Variants in VPS53 observed in about 807,000 individuals in gnomAD.
VPS53 encodes the protein VPS53 subunit of GARP complex, also known as vacuolar protein sorting-associated protein 53 homolog.
VPS53 carries 70 observed loss-of-function variants against 107.0 expected under a neutral mutation model. The ratio of observed to expected loss-of-function variants is 0.65; its 90% CI spans 0.54 to 0.80. VPS53 has a LOEUF of 0.80. VPS53 is among the 30% of genes least tolerant of loss of function. The probability of loss-of-function intolerance (pLI) is 0.00; values close to 1 mark genes in which losing one functional copy is unlikely to be tolerated. For synonymous variants in VPS53, 409 were observed against 393.3 expected, an observed-to-expected ratio of 1.04 and a Z score of -0.47; for missense variants, 917 against 1,049.4, an observed-to-expected ratio of 0.87 and a Z score of 1.74.
At chr17:682,820 T>C (rs1242106164) in intron 4 of VPS53, among the ~76,000 whole-genome samples, 1 of 152,212 alleles carries the variant, frequency 6.6e-6, no homozygotes, top group Non-Finnish European at 1.5e-5. Context: ...CAACAGAACC[T>C]GTCTCAAAGA....
In VPS53 at chr17:601,798, A is replaced by G. The variant is rs768510827; in HGVS notation, c.1215T>C (p.Asp405=). Residue 405 remains aspartate, a synonymous_variant, in exon 12 of 22, where the codon GAT becomes GAC. Coordinates refer to ENST00000437048, the MANE Select transcript of VPS53 (RefSeq NM_001128159.3). ...TGGTGACGCAAACCAGACTTACTTG[A>G]TCTAAATCTCCTTTCTCCGTTGCCA... ...EELATEKGDL[D]QPKKPKAPDN... 16 of 1,600,436 alleles carry G rather than the reference A, an allele frequency of 1.0e-5. No individual in the cohort carries two copies. The South Asian group carries it at 1.7e-4, about 17-fold the overall frequency.
At chr17:650,654 T>C (rs2143466366) in intron 7 of VPS53, among the ~76,000 whole-genome samples, 1 of 152,344 alleles carries the variant, frequency 6.6e-6, no homozygotes, top group South Asian at 2.1e-4. Context: ...CAGATCGTAC[T>C]ACAAGTATAT....
At position 517,823 on chromosome 17, in the gene VPS53, T is replaced by C. The variant is rs1309051246; in HGVS notation, c.*1305A>G. The C allele has an allele frequency of 1.2e-5, 2 of 164,130 alleles. No homozygotes were observed. The highest frequency in any genetic ancestry group is 3.3e-4 in the East Asian group (2 of 6,034). 10.2% of individuals were successfully genotyped at this position (164,130 alleles called of 1,614,324 possible). A position where few individuals can be genotyped will look rare whatever the true frequency, so the allele number is the denominator to read the frequency against. ...GGCATGAGCCACCACACCCAGCCAA[T>C]TTTTTGTATTTTTGGTTTTGCCAGG... On this transcript the variant is annotated 3_prime_UTR_variant, in exon 22 of 22. Coordinates refer to ENST00000437048, the MANE Select transcript of VPS53 (RefSeq NM_001128159.3).
In VPS53 at chr17:519,215, G is replaced by T. The variant is rs768263237; in HGVS notation, c.2412C>A (p.Ser804=). The change falls in exon 22 of 22, where the codon TCC becomes TCA. Residue 804 remains serine, a synonymous_variant. Coordinates refer to ENST00000437048, the MANE Select transcript of VPS53 (RefSeq NM_001128159.3). The surrounding 1 kb of genome is among the most constrained non-coding windows in gnomAD (Gnocchi z 5.0). ...TTGGCGCCGTCAGGGACAGTGAGCC[G>T]GAGCTTTCTGCCCCCGAGGGCGGTG... is the stretch of plus-strand genomic sequence containing the variant. ...LPAPPSGAES[S]GSLSLTAPTP... 1 of 1,549,632 alleles carries T rather than the reference G, an allele frequency of 6.5e-7. No homozygotes were observed. Among genetic ancestry groups the T allele is most frequent in the South Asian group, 1.2e-5 (1 of 83,820 alleles).
intron 2 of VPS53, among the ~76,000 whole-genome samples, chr17:707,418 G>T (rs1327423923): frequency 6.6e-6 from 1 of 151,780 alleles, no homozygotes; most frequent in Non-Finnish European, 1.5e-5. Flanking sequence ...TGCTCAGGAG[G>T]CTGACACAGG....
rs1251849617 is a variant in VPS53, at chr17:519,046, G to A, written c.*82C>T. 2.6e-5 allele frequency: 36 copies of A among 1,389,404 alleles called. No homozygotes were observed. The highest frequency in any genetic ancestry group is 1.9e-4 in the Middle Eastern group (1 of 5,238). 86.1% of individuals were successfully genotyped at this position (1,389,404 alleles called of 1,614,324 possible). ...TGAAGACCGACGATGTGAGAGTGCC[G>A]GGGAGCACAGGAGAGGTTGGGGGCT... is the stretch of plus-strand genomic sequence containing the variant. On this transcript the variant is annotated 3_prime_UTR_variant, in exon 22 of 22. Coordinates refer to ENST00000437048, the MANE Select transcript of VPS53 (RefSeq NM_001128159.3). The surrounding 1 kb of genome is among the most constrained non-coding windows in gnomAD (Gnocchi z 5.0).
chr17:556,494 T>G (rs539657767), intron 15 of VPS53, among the ~76,000 whole-genome samples: 6 of 152,328 alleles, frequency 3.9e-5, no homozygotes, highest in Admixed American at 3.9e-4. Flanking sequence ...TTTATGTTTT[T>G]TAAAAACTAT....
rs562221866 is a variant in VPS53, at chr17:673,281, T to C, written c.286-11386A>G. Among the ~76,000 whole-genome samples, 9 of 152,222 alleles carry C rather than the reference T, an allele frequency of 5.9e-5. No homozygotes were observed. In the South Asian group the frequency reaches 1.9e-3, roughly 32 times the overall value. ...GGTGGACACCAAGGGTCAAGTCGCC[T>C]CTCTTTAGAGAAAGTCTCTTCTTTT... On this transcript the variant is annotated intron_variant, in intron 4 of 21. Transcript: ENST00000437048.
intron 13 of VPS53, among the ~76,000 whole-genome samples, chr17:584,600 A>T (rs1967218721): frequency 6.6e-6 from 1 of 152,196 alleles, no homozygotes; most frequent in South Asian, 2.1e-4. Context: ...GGCTAATTGC[A>T]GCCTCTGCCT....
At chr17:647,699 G>T (rs188111959) in intron 7 of VPS53, among the ~76,000 whole-genome samples, 1 of 152,066 alleles carries the variant, frequency 6.6e-6, no homozygotes, top group East Asian at 1.9e-4. Context: ...AAAGGGTGGC[G>T]ATTTCCCTAG....
chr17:705,413 G>A (rs1000227610), intron 2 of VPS53, among the ~76,000 whole-genome samples: 1 of 142,082 alleles, frequency 7.0e-6, no homozygotes, highest in Non-Finnish European at 1.6e-5. Flanking sequence ...ACACAGCAAG[G>A]CCCAGTCTGT....
At position 519,309 on chromosome 17, in the gene VPS53, G is replaced by A. The variant is rs1415855537; in HGVS notation, c.2329-11C>T. 2.4e-5 allele frequency: 35 copies of A among 1,467,556 alleles called. No individual in the cohort carries two copies. The highest frequency in any genetic ancestry group is 3.0e-5 in the Non-Finnish European group (33 of 1,108,102). The allele number at this position is 1,467,556 out of a possible 1,614,324, so 90.9% of individuals were successfully genotyped here. On this transcript the variant is annotated splice_polypyrimidine_tract_variant and intron_variant, in intron 21 of 21. Coordinates refer to ENST00000437048, the MANE Select transcript of VPS53 (RefSeq NM_001128159.3). The surrounding 1 kb of genome is among the most constrained non-coding windows in gnomAD (Gnocchi z 5.0). ...ACTCCTCTTCAGCCCCTGAGGTTGA[G>A]AGAGAAACAGAACCGTCACGAAGTC... is the stretch of plus-strand genomic sequence containing the variant.
At chr17:560,089 GTC>G (rs574621198) in intron 15 of VPS53, among the ~76,000 whole-genome samples, 1 of 152,230 alleles carries the variant, frequency 6.6e-6, no homozygotes, top group Non-Finnish European at 1.5e-5. Context: ...CAAAGGCTGG[GTC>G]CTAGCACAGA....
intron 10 of VPS53, among the ~76,000 whole-genome samples, chr17:626,041 A>C (rs555222610): frequency 6.6e-6 from 1 of 152,262 alleles, no homozygotes. Flanking sequence ...TTGTCTCTAC[A>C]AAAAATACAC....
At chr17:560,628 AC>A in intron 14 of VPS53, 55 bp from the exon 15 acceptor site, 2 of 1,581,238 alleles carry the variant, frequency 1.3e-6, no homozygotes, top group East Asian at 4.5e-5. Context: ...TGCTTCCTGA[AC>A]TGGAAACTAC....
chr17:623,934 T>A lies in VPS53; in HGVS notation c.975-260A>T, dbSNP rs1364340857. Among the ~76,000 whole-genome samples the A allele has an allele frequency of 3.4e-5, 5 of 146,866 alleles. No individual in the cohort carries two copies. The South Asian group carries it at 8.3e-4, about 24-fold the overall frequency. On this transcript the variant is annotated intron_variant, in intron 10 of 21. Coordinates refer to ENST00000437048, the MANE Select transcript of VPS53 (RefSeq NM_001128159.3). ...ATATATACTTATATTTATTTGTTTGTTTATTTATTTATTTATTTATTTGAG... is the reference window on the plus strand; with the variant it reads ...ATATATACTTATATTTATTTGTTTGATTATTTATTTATTTATTTATTTGAG...
chr17:592,292 G>C (rs576723186), intron 12 of VPS53, among the ~76,000 whole-genome samples: 1 of 152,216 alleles, frequency 6.6e-6, no homozygotes, highest in East Asian at 1.9e-4. Flanking sequence ...GTCTCTGCCC[G>C]TGAGATGGGT....
chr17:539,876 CAA>C (rs1226154917), intron 17 of VPS53, among the ~76,000 whole-genome samples: 2 of 152,134 alleles, frequency 1.3e-5, no homozygotes, highest in Non-Finnish European at 2.9e-5. Context: ...TCAAAAAGCT[CAA>C]AGAGATTTGG....
At chr17:676,321 A>C (rs1267592193) in intron 4 of VPS53, 1 of 152,232 alleles carries the variant, frequency 6.6e-6, no homozygotes, top group Non-Finnish European at 1.5e-5. Context: ...CCATTGTACA[A>C]ACATATCTCA....
Sources: gnomAD v4.1 joint callset for allele counts (sites outside exome capture counted in the v4.1 genomes callset) on GRCh38, gnomAD v4.1.1 for gene constraint, Gnocchi (gnomAD v3.1) non-coding constraint, MANE v1.5 for transcripts, NCBI Gene and HGNC (gene_info 2026-07-23, HGNC 2026-07-21) for gene names.